The following NOL10 variants were observed in gnomAD, a reference collection of about 807,000 sequenced individuals.
NOL10 encodes the protein H_NH0074G24.1.
A neutral mutation model predicts 103.5 loss-of-function variants in NOL10; 58 were observed. That is an observed-to-expected ratio of 0.56 (90% confidence interval 0.45 to 0.70). NOL10 has a LOEUF of 0.70. NOL10 is among the 30% of genes least tolerant of loss of function. The pLI is 0.00. For missense variants in NOL10, 763 were observed against 807.3 expected, an observed-to-expected ratio of 0.95 and a Z score of 0.67; for synonymous variants, 287 against 282.5, an observed-to-expected ratio of 1.02 and a Z score of -0.16.
chr2:10,644,237 C>T, intron 13 of NOL10, 83 bp downstream of exon 13: 1 of 1,056,632 alleles, frequency 9.5e-7, no homozygotes, highest in Non-Finnish European at 1.3e-6. Context: ...GATCGCCAGA[C>T]TCCGTCTCAA....
intron 16 of NOL10, among the ~76,000 whole-genome samples, chr2:10,602,378 C>T (rs556961528): frequency 2.0e-5 from 3 of 152,308 alleles, no homozygotes; most frequent in East Asian, 1.9e-4. Flanking sequence ...GTGCAGTTTA[C>T]GACTGTCGAC....
At chr2:10,684,273 T>A (rs1369924076) in intron 2 of NOL10, among the ~76,000 whole-genome samples, 10 of 106,206 alleles carry the variant, frequency 9.4e-5, no homozygotes, top group Non-Finnish European at 2.0e-4. Flanking sequence ...TGAAACTCCA[T>A]CTCAAAAAAA....
At chr2:10,588,149 T>A (rs1196379618) in intron 19 of NOL10, among the ~76,000 whole-genome samples, 1 of 152,212 alleles carries the variant, frequency 6.6e-6, no homozygotes, top group Non-Finnish European at 1.5e-5. Flanking sequence ...TGTTCCTGAC[T>A]CAGACTCCTG....
chr2:10,573,217 T>C (rs1382680980), intron 20 of NOL10, among the ~76,000 whole-genome samples: 7 of 152,042 alleles, frequency 4.6e-5, no homozygotes, highest in Admixed American at 2.0e-4. Context: ...TTTTTTGAGA[T>C]GGAGTCTTGC....
intron 2 of NOL10, 44 bp downstream of exon 2, chr2:10,684,523 C>T: frequency 1.4e-6 from 2 of 1,455,900 alleles, no homozygotes; most frequent in Non-Finnish European, 1.9e-6. Flanking sequence ...AGCATTAGAA[C>T]ATGGATCACT....
At chr2:10,650,748 CCT>C (rs1679405824) in intron 12 of NOL10, among the ~76,000 whole-genome samples, 1 of 151,960 alleles carries the variant, frequency 6.6e-6, no homozygotes, top group Admixed American at 6.6e-5. Context: ...AATGTGAAAC[CCT>C]GTCTCTGAAA....
chr2:10,604,494 A>C (rs6432111), intron 14 of NOL10, among the ~76,000 whole-genome samples: 89,959 of 152,026 alleles, frequency 0.59, 27,631 homozygotes, highest in African/African-American at 0.74. Context: ...GTTAATAAAA[A>C]TATGGGGTTT....
chr2:10,578,639 TAAA>T (rs71392239), intron 19 of NOL10, among the ~76,000 whole-genome samples: 52,119 of 151,942 alleles, frequency 0.34, 9,336 homozygotes, highest in Non-Finnish European at 0.4. Flanking sequence ...GTACCCATTA[TAAA>T]ATGAAACTTC....
chr2:10,628,339 G>C (rs192243269), intron 13 of NOL10, among the ~76,000 whole-genome samples: 1 of 152,030 alleles, frequency 6.6e-6, no homozygotes, highest in Non-Finnish European at 1.5e-5. Flanking sequence ...TGACATTCTC[G>C]ACCCCCATTC....
At chr2:10,674,375 G>C (rs1160306731) in intron 4 of NOL10, among the ~76,000 whole-genome samples, 1 of 152,064 alleles carries the variant, frequency 6.6e-6, no homozygotes, top group Non-Finnish European at 1.5e-5. Context: ...ATTTTAACTT[G>C]ACTTCAGTGC....
intron 12 of NOL10, among the ~76,000 whole-genome samples, chr2:10,653,636 G>C (rs967767804): frequency 6.6e-6 from 1 of 152,052 alleles, no homozygotes; most frequent in Admixed American, 6.6e-5. Flanking sequence ...CCACAGCTCA[G>C]GCACAGGACA....
intron 4 of NOL10, among the ~76,000 whole-genome samples, 182 bp downstream of exon 4, chr2:10,675,612 T>C (rs184550198): frequency 2.4e-3 from 225 of 93,080 alleles, no homozygotes; most frequent in Admixed American, 4.4e-3. Flanking sequence ...AGAACCTGCA[T>C]AGACTTAAGA....
rs531081373 is a variant in NOL10, at chr2:10,581,356, T to G, written c.1845-3618A>C. On this transcript the variant is annotated intron_variant, in intron 19 of 20. Coordinates refer to ENST00000381685, the MANE Select transcript of NOL10 (RefSeq NM_024894.4). ...TACTTGTCCGTGTGCATACACACAT[T>G]TGCGACTGTGAAAGGGGAAAGAGAA... 7.0e-4 allele frequency among the ~76,000 whole-genome samples: 106 copies of G among 152,186 alleles called. 1 individual carries two copies. The highest frequency in any genetic ancestry group is 2.5e-3 in the African/African-American group (102 of 41,458).
intron 19 of NOL10, among the ~76,000 whole-genome samples, chr2:10,583,467 C>T (rs890127800): frequency 6.6e-6 from 1 of 152,160 alleles, no homozygotes; most frequent in Non-Finnish European, 1.5e-5. Flanking sequence ...TTCCTGGGCC[C>T]GATGGACACT....
chr2:10,601,125 G>A (rs766730446), intron 16 of NOL10, among the ~76,000 whole-genome samples, 183 bp from the exon 17 acceptor site: 54 of 151,536 alleles, frequency 3.6e-4, no homozygotes, highest in East Asian at 7.7e-4. Flanking sequence ...GTGCAGGGGC[G>A]CAATCTCAGC....
At chr2:10,587,216 TACATATATATAC>T (rs1675136047) in intron 19 of NOL10, among the ~76,000 whole-genome samples, 5 of 33,258 alleles carry the variant, frequency 1.5e-4, no homozygotes, top group African/African-American at 9.4e-4. Context: ...CATATATATA[TACATATATATAC>T]ATATATATAT....
chr2:10,584,894 CTT>C (rs546097670), intron 19 of NOL10, among the ~76,000 whole-genome samples: 141 of 152,282 alleles, frequency 9.3e-4, no homozygotes, highest in African/African-American at 3.3e-3. Flanking sequence ...TTTTTATCCT[CTT>C]TGTTTTATAC....
In NOL10 at chr2:10,668,653, C is replaced by A. The variant is rs1680708056; in HGVS notation, c.530+5G>T. ...GTATATAGCAGAATTACTAAAACTA[C>A]TCACGCAGCATCAGTTTGTAGAGGA... On this transcript the variant is annotated splice_donor_5th_base_variant and intron_variant, in intron 7 of 20. Coordinates refer to ENST00000381685, the MANE Select transcript of NOL10 (RefSeq NM_024894.4). 5.1e-6 allele frequency: 7 copies of A among 1,363,156 alleles called. No homozygotes were observed. The highest frequency in any genetic ancestry group is 1.5e-5 in the African/African-American group (1 of 68,050). 84.4% of individuals were successfully genotyped at this position (1,363,156 alleles called of 1,614,324 possible).
At position 10,668,643 on chromosome 2, in the gene NOL10, A is replaced by T. The variant is rs752396817; in HGVS notation, c.530+15T>A. The T allele has an allele frequency of 7.9e-7, 1 of 1,267,846 alleles. No homozygotes were observed. The highest frequency in any genetic ancestry group is 2.7e-5 in the Admixed American group (1 of 36,864). 78.5% of individuals were successfully genotyped at this position (1,267,846 alleles called of 1,614,324 possible). On this transcript the variant is annotated intron_variant, in intron 7 of 20. Transcript: ENST00000381685. ...TGGTCAAAATGTATATAGCAGAATT[A>T]CTAAAACTACTCACGCAGCATCAGT...
Sources: allele counts gnomAD v4.1 joint callset (sites outside exome capture counted in the v4.1 genomes callset), GRCh38; gene constraint gnomAD v4.1.1; transcripts MANE v1.5; gene names NCBI Gene and HGNC (gene_info 2026-07-23, HGNC 2026-07-21).